Variants in PCDH7 observed in about 807,000 individuals in gnomAD.
The protein encoded by PCDH7 is protocadherin 7.
Under a neutral mutation model 58.9 loss-of-function variants are expected in PCDH7, and 17 were observed. The ratio of observed to expected loss-of-function variants is 0.29; its 90% CI spans 0.20 to 0.43. The LOEUF (loss-of-function observed/expected upper bound fraction) is 0.43, where lower values mean the gene tolerates loss of function less well. PCDH7 is among the 20% of genes least tolerant of loss of function. The pLI is 1.00. For synonymous variants in PCDH7, 664 were observed against 616.4 expected (o/e 1.08, Z -1.14); for missense variants, 1,274 against 1,441.0 (o/e 0.88, Z 1.88).
intron 3 of PCDH7, among the ~76,000 whole-genome samples, chr4:31,114,157 A>G (rs1325451798): frequency 1.3e-5 from 2 of 152,090 alleles, no homozygotes; most frequent in African/African-American, 4.8e-5. Flanking sequence ...TTTTTAATCT[A>G]TCACCAAAAT....
chr4:31,014,815 T>C (rs1578564140), intron 3 of PCDH7, among the ~76,000 whole-genome samples: 2 of 152,094 alleles, frequency 1.3e-5, no homozygotes, highest in African/African-American at 4.8e-5. Flanking sequence ...CAGAGGCCTC[T>C]CCAGCCACTC....
intron 3 of PCDH7, among the ~76,000 whole-genome samples, chr4:31,092,262 G>T (rs1336526773): frequency 1.3e-5 from 2 of 151,820 alleles, no homozygotes; most frequent in Admixed American, 6.6e-5. Context: ...CTTTATCTTT[G>T]TTAGCTATGA....
chr4:31,139,237 A>C (rs1432096887), intron 3 of PCDH7, among the ~76,000 whole-genome samples: 1 of 152,120 alleles, frequency 6.6e-6, no homozygotes, highest in Non-Finnish European at 1.5e-5. Flanking sequence ...ACAACAAAAA[A>C]TTCTCTAAGG....
At chr4:30,911,005 G>T (rs987139814) in intron 1 of PCDH7, among the ~76,000 whole-genome samples, 2 of 152,150 alleles carry the variant, frequency 1.3e-5, no homozygotes, top group Non-Finnish European at 2.9e-5. Context: ...CATGTTGTTT[G>T]CATGGACATG....
chr4:31,090,192 T>G (rs965647045), intron 3 of PCDH7, among the ~76,000 whole-genome samples: 2 of 151,972 alleles, frequency 1.3e-5, no homozygotes, highest in Non-Finnish European at 2.9e-5. Flanking sequence ...AGAGGATCCT[T>G]GGAAGTGTGC....
intron 2 of PCDH7, chr4:30,935,348 A>T (rs1230741450): frequency 1.0e-6 from 1 of 983,084 alleles, no homozygotes; most frequent in Non-Finnish European, 1.2e-6. Flanking sequence ...TGTAAAGGTA[A>T]GTAGTTTCTT....
chr4:30,977,980 C>A (rs1326091095), intron 3 of PCDH7, among the ~76,000 whole-genome samples: 1 of 152,104 alleles, frequency 6.6e-6, no homozygotes, highest in Non-Finnish European at 1.5e-5. Context: ...AAATCTAAAA[C>A]TTTTCAGCTG....
intron 1 of PCDH7, among the ~76,000 whole-genome samples, chr4:30,828,267 G>A (rs1729346591): frequency 6.6e-6 from 1 of 151,970 alleles, no homozygotes; most frequent in Non-Finnish European, 1.5e-5. Context: ...TATGTTGAAA[G>A]CAGAGGAAAC....
chr4:30,974,900 G>A (rs1335816037), intron 3 of PCDH7, among the ~76,000 whole-genome samples: 2 of 152,102 alleles, frequency 1.3e-5, no homozygotes, highest in Non-Finnish European at 2.9e-5. Context: ...TTATTTAGTT[G>A]GCTTGTATTT....
At chr4:30,988,009 A>T (rs984079177) in intron 3 of PCDH7, among the ~76,000 whole-genome samples, 4 of 152,168 alleles carry the variant, frequency 2.6e-5, no homozygotes, top group African/African-American at 9.7e-5. Context: ...AGGCAAGAAT[A>T]TAAGTTATTT....
intron 2 of PCDH7, among the ~76,000 whole-genome samples, chr4:30,924,993 T>G (rs898828363): frequency 2.6e-5 from 4 of 152,162 alleles, no homozygotes; most frequent in African/African-American, 9.7e-5. Context: ...TTATGCCTCT[T>G]GATTTTCTCA....
At chr4:30,861,101 G>A (rs1450247366) in intron 1 of PCDH7, among the ~76,000 whole-genome samples, 1 of 152,168 alleles carries the variant, frequency 6.6e-6, no homozygotes, top group African/African-American at 2.4e-5. Context: ...GTGCGCAAGA[G>A]AGAAATGTTC....
At chr4:30,748,000 TAAAC>T (rs1717993204) in intron 1 of PCDH7, among the ~76,000 whole-genome samples, 1 of 152,220 alleles carries the variant, frequency 6.6e-6, no homozygotes, top group South Asian at 2.1e-4. Flanking sequence ...ATTAGTGTTT[TAAAC>T]AAATTCAGAG....
At chr4:30,837,919 C>T (rs919395335) in intron 1 of PCDH7, among the ~76,000 whole-genome samples, 5 of 142,394 alleles carry the variant, frequency 3.5e-5, no homozygotes, top group Admixed American at 1.4e-4. Flanking sequence ...ATATATATAA[C>T]ATTATTGTGT....
chr4:30,724,704 T>G, intron 1 of PCDH7, 108 bp downstream of exon 1: 3 of 1,458,194 alleles, frequency 2.1e-6, no homozygotes. Context: ...TTATTAAAAT[T>G]TTAACAGTAG....
chr4:30,730,207 C>T (rs1715282185), intron 1 of PCDH7, among the ~76,000 whole-genome samples: 1 of 151,782 alleles, frequency 6.6e-6, no homozygotes, highest in African/African-American at 2.4e-5. Flanking sequence ...TAGACTATGG[C>T]AAGGTTTCCC....
chr4:30,849,999 A>G (rs1732508724), intron 1 of PCDH7, among the ~76,000 whole-genome samples: 1 of 152,088 alleles, frequency 6.6e-6, no homozygotes, highest in Non-Finnish European at 1.5e-5. Context: ...CTGCAAAAGA[A>G]CCAGTCTGTT....
intron 3 of PCDH7, among the ~76,000 whole-genome samples, chr4:31,003,673 A>G (rs1331731230): frequency 6.6e-6 from 1 of 151,922 alleles, no homozygotes; most frequent in East Asian, 1.9e-4. Context: ...TTTGGGAGGC[A>G]GAGGCGTGTG....
chr4:30,974,597 C>T (rs1343886505), intron 3 of PCDH7, among the ~76,000 whole-genome samples: 1 of 152,078 alleles, frequency 6.6e-6, no homozygotes, highest in Non-Finnish European at 1.5e-5. Context: ...ATTAATCTTC[C>T]CCTCAAGCTA....
Sources: gnomAD v4.1 joint callset for allele counts (sites outside exome capture counted in the v4.1 genomes callset) on GRCh38, gnomAD v4.1.1 for gene constraint, MANE v1.5 for transcripts, NCBI Gene and HGNC (gene_info 2026-07-23, HGNC 2026-07-21) for gene names.